SYPL1: variants seen among roughly 807,000 people sequenced by gnomAD.
SYPL1 encodes synaptophysin like 1.
In SYPL1, 6 loss-of-function variants were observed where a neutral mutation model predicts 23.7. The observed-to-expected ratio is 0.25, with a 90% CI of 0.14 to 0.50. The LOEUF is 0.50. SYPL1 is among the 20% of genes least tolerant of loss of function. SYPL1 has a pLI of 0.98. For synonymous variants in SYPL1, 102 were observed against 104.5 expected (o/e 0.98, Z 0.15); for missense variants, 253 against 288.9 (o/e 0.88, Z 0.90).
At chr7:106,098,881 A>G in intron 2 of SYPL1, among the ~76,000 whole-genome samples, 1 of 152,292 alleles carries the variant, frequency 6.6e-6, no homozygotes, top group East Asian at 1.9e-4. Flanking sequence ...TACATTTCCA[A>G]TCCTCTGTTA....
intron 1 of SYPL1, among the ~76,000 whole-genome samples, chr7:106,107,749 A>C (rs1840684137): frequency 6.6e-6 from 1 of 151,834 alleles, no homozygotes; most frequent in South Asian, 2.1e-4. Context: ...CTCCAAAAAA[A>C]AAAAAAAAAA....
At chr7:106,098,412 T>A (rs1840140703) in intron 2 of SYPL1, among the ~76,000 whole-genome samples, 1 of 152,194 alleles carries the variant, frequency 6.6e-6, no homozygotes, top group Admixed American at 6.5e-5. Flanking sequence ...GGAGAAAGGA[T>A]ACAAGATAGA....
intron 4 of SYPL1, chr7:106,092,679 A>C (rs1413038677): frequency 1.0e-5 from 5 of 486,104 alleles, no homozygotes; most frequent in Non-Finnish European, 1.9e-5. Flanking sequence ...TCTCAAAAAA[A>C]AAAAAAAAAA....
rs1356428519 is a variant in SYPL1, at chr7:106,095,789, C to A, written c.402+1901G>T. On this transcript the variant is annotated intron_variant, in intron 3 of 4. Transcript: ENST00000455385. The surrounding 1 kb of genome is among the most constrained non-coding windows in gnomAD (Gnocchi z 4.3). ...ACCTACTTAAGGAATTTTGGATTAT[C>A]TCTTTATATGACCACTAATTGGTCA... Among the ~76,000 whole-genome samples, 1 of 152,148 alleles carries A rather than the reference C, an allele frequency of 6.6e-6. No individual in the cohort carries two copies. The highest frequency in any genetic ancestry group is 1.5e-5 in the Non-Finnish European group (1 of 68,020).
chr7:106,101,056 T>C (rs1840282601), intron 1 of SYPL1, among the ~76,000 whole-genome samples: 1 of 152,154 alleles, frequency 6.6e-6, no homozygotes, highest in South Asian at 2.1e-4. Flanking sequence ...ACTCCCTCAC[T>C]TCCATAGCTT....
Position 106,093,032 on chromosome 7 carries a change from CA to C in SYPL1, c.507del (p.Ile169MetfsTer19). Reference protein sequence around the residue: ...DIKIATGHNIIDELPPCKKKA... With the variant: ...DIKIATGHNIXDELPPCKKKA... ...TTCTTCTTACAAGGCGGAAGTTCATCAATAATATTGTGACCAGTAGCTATTT... is the reference window on the plus strand; with the variant it reads ...TTCTTCTTACAAGGCGGAAGTTCATCATAATATTGTGACCAGTAGCTATTT... On this transcript the variant is annotated frameshift_variant, in exon 4 of 5. Transcript: ENST00000455385. LOFTEE classifies it high-confidence loss of function. 1 of 1,613,850 alleles carries C rather than the reference CA, an allele frequency of 6.2e-7. No homozygotes were observed.
intron 1 of SYPL1, among the ~76,000 whole-genome samples, chr7:106,107,614 C>T (rs577265476): frequency 2.9e-4 from 44 of 152,036 alleles, no homozygotes; most frequent in African/African-American, 8.2e-4. Context: ...AGGTGGCACA[C>T]GCCTGTAGTC....
chr7:106,093,068 T>C lies in SYPL1; in HGVS notation c.472A>G (p.Thr158Ala). Residue 158 changes from threonine to alanine, a missense_variant, in exon 4 of 5, where the codon ACA becomes GCA. Transcript: ENST00000455385. ...TGACCAGTAGCTATTTTAATATCTG[T>C]CAGAGCTTTAGCCCAGGCTGAAGTG... Reference protein sequence around the residue: ...VSTSAWAKALTDIKIATGHNI... With the variant: ...VSTSAWAKALADIKIATGHNI... 1 of 1,613,794 alleles carries C rather than the reference T, an allele frequency of 6.2e-7. No homozygotes were observed. The highest frequency in any genetic ancestry group is 8.5e-7 in the Non-Finnish European group (1 of 1,179,854).
At chr7:106,107,463 G>A (rs961068348) in intron 1 of SYPL1, among the ~76,000 whole-genome samples, 23 of 152,192 alleles carry the variant, frequency 1.5e-4, no homozygotes, top group African/African-American at 5.3e-4. Flanking sequence ...GATTATGGCC[G>A]GCTGCAGTGG....
chr7:106,111,577 G>C (rs1790151507), intron 1 of SYPL1, among the ~76,000 whole-genome samples: 1 of 152,198 alleles, frequency 6.6e-6, no homozygotes, highest in South Asian at 2.1e-4. Flanking sequence ...TTGTTAAAAG[G>C]ACTTTCTTTA....
At position 106,090,636 on chromosome 7, in the gene SYPL1, G is replaced by GT. The variant is rs1461227359; in HGVS notation, c.*1168dup. 6.6e-6 allele frequency: 1 copy of GT among 152,620 alleles called. No homozygotes were observed. Among genetic ancestry groups the GT allele is most frequent in the East Asian group, 1.9e-4 (1 of 5,208 alleles). 9.5% of individuals were successfully genotyped at this position (152,620 alleles called of 1,614,324 possible). ...TGCTTCACATATAAACAATCATGTT[G>GT]TAAGAATAAGAAACCTGAATCCCTG... On this transcript the variant is annotated 3_prime_UTR_variant, in exon 5 of 5. Transcript: ENST00000455385.
chr7:106,107,458 T>C (rs1185402247), intron 1 of SYPL1, among the ~76,000 whole-genome samples: 2 of 152,316 alleles, frequency 1.3e-5, no homozygotes, highest in East Asian at 1.9e-4. Context: ...ATTTGGATTA[T>C]GGCCGGCTGC....
rs573677776 is a variant in SYPL1 at position 106,111,638 on chromosome 7, T to A, written c.69+502A>T. ...TTTACTATTTTTAACTCGGAGCCCA[T>A]CTTAAAAACAAATTAAGAACGGAAT... On this transcript the variant is annotated intron_variant, in intron 1 of 4. Transcript: ENST00000455385. Among the ~76,000 whole-genome samples, 94 of 152,352 alleles carry A rather than the reference T, an allele frequency of 6.2e-4. 1 individual carries two copies. Among genetic ancestry groups the A allele is most frequent in the South Asian group, 1.0e-3 (5 of 4,828 alleles).
At chr7:106,112,041 G>A (rs999377403) in intron 1 of SYPL1, 99 bp downstream of exon 1, 4 of 1,177,210 alleles carry the variant, frequency 3.4e-6, no homozygotes, top group Non-Finnish European at 4.2e-6. Flanking sequence ...CTCAAAGCCC[G>A]CGCGGCAGGG....
rs1840173454 is a variant in SYPL1 at position 106,099,056 on chromosome 7, T to C, written c.194+102A>G. ...ATCACTTACAAATGAGCATACAGTC[T>C]AAAATTTTCTACCCCCCACAATCAA... On this transcript the variant is annotated intron_variant, in intron 2 of 4. Coordinates refer to ENST00000455385, the MANE Select transcript of SYPL1 (RefSeq NM_182715.4). 6 of 1,446,194 alleles carry C rather than the reference T, an allele frequency of 4.1e-6. No homozygotes were observed. In the South Asian group the frequency reaches 6.8e-5, roughly 16 times the overall value. 89.6% of individuals were successfully genotyped at this position (1,446,194 alleles called of 1,614,324 possible). A position where few individuals can be genotyped will look rare whatever the true frequency, so the allele number is the denominator to read the frequency against.
rs2116054300 is a variant in SYPL1, at chr7:106,091,853, T to C, written c.678A>G (p.Thr226=). The C allele has an allele frequency of 6.2e-7, 1 of 1,613,770 alleles. No individual in the cohort carries two copies. Among genetic ancestry groups the C allele is most frequent in the South Asian group, 1.1e-5 (1 of 91,054 alleles). ...TACCTCCTTGGCTATGAGGGGCAGA[T>C]GTATTTGATGGACTGTGTAGGCTGG... is the stretch of plus-strand genomic sequence containing the variant. ...KETSLHSPSN[T]SAPHSQGGIP... is the part of the protein sequence containing the mutation. Residue 226 remains threonine, a synonymous_variant, in exon 5 of 5, where the codon ACA becomes ACG. Transcript: ENST00000455385. The surrounding 1 kb of genome is among the most constrained non-coding windows in gnomAD (Gnocchi z 5.0).
intron 2 of SYPL1, 89 bp downstream of exon 2, chr7:106,099,069 C>A: frequency 6.7e-7 from 1 of 1,503,606 alleles, no homozygotes; most frequent in Non-Finnish European, 8.9e-7. Context: ...AATTTTCTAC[C>A]CCCCACAATC....
rs1839741028 is a variant in SYPL1 at position 106,091,798 on chromosome 7, C to T, written c.*7G>A. On this transcript the variant is annotated 3_prime_UTR_variant, in exon 5 of 5. Transcript: ENST00000455385. This position sits in a 1 kb window ranked among gnomAD's most constrained non-coding sequence, Gnocchi z 5.0. ...ATATACTTCATACAGTGTATTTCTC[C>T]CTTTAATTATATTCCGGTAGGAGGT... 6.2e-7 allele frequency: 1 copy of T among 1,606,860 alleles called. No individual in the cohort carries two copies. Among genetic ancestry groups the T allele is most frequent in the African/African-American group, 1.3e-5 (1 of 74,540 alleles).
intron 1 of SYPL1, 145 bp from the exon 2 acceptor site, chr7:106,099,427 T>C: frequency 9.5e-7 from 1 of 1,055,010 alleles, no homozygotes; most frequent in East Asian, 2.7e-5. Flanking sequence ...ACAGGGTTTC[T>C]GTCGCCCAGA....
Sources: gnomAD v4.1 joint callset for allele counts (sites outside exome capture counted in the v4.1 genomes callset) on GRCh38, gnomAD v4.1.1 for gene constraint, Gnocchi (gnomAD v3.1) non-coding constraint, MANE v1.5 for transcripts, NCBI Gene and HGNC (gene_info 2026-07-23, HGNC 2026-07-21) for gene names.